The following OTC variants were observed in gnomAD, a reference collection of about 807,000 sequenced individuals.
OTC encodes ornithine transcarbamylase, mitochondrial.
Under a neutral mutation model 30.3 loss-of-function variants are expected in OTC, and 3 were observed. The ratio of observed to expected loss-of-function variants is 0.10; its 90% CI spans 0.05 to 0.26. OTC has a LOEUF of 0.26. OTC is among the 10% of genes least tolerant of loss of function. The pLI, the probability that OTC is intolerant of heterozygous loss-of-function variation, is 1.00. For synonymous variants in OTC, 111 were observed against 99.7 expected (o/e 1.11, Z -0.67); for missense variants, 194 against 260.3 (o/e 0.75, Z 1.75).
At chrX:38,367,260 A>G (rs750152681) in intron 1 of OTC, 31 bp from the exon 2 acceptor site, 12 of 1,166,697 alleles carry the variant, frequency 1.0e-5, no homozygotes, top group Admixed American at 4.4e-5. Context: ...TCTGAAATAC[A>G]TATTTCTCCC....
intron 1 of OTC, among the ~76,000 whole-genome samples, chrX:38,358,561 A>G (rs1394114887): frequency 3.7e-5 from 4 of 106,918 alleles, no homozygotes; most frequent in Non-Finnish European, 5.8e-5. Context: ...GGTGGTGACT[A>G]CTCTAATGAT....
chrX:38,404,918 A>C (rs1371075498), intron 6 of OTC, among the ~76,000 whole-genome samples: 1 of 111,778 alleles, frequency 8.9e-6, no homozygotes, highest in Non-Finnish European at 1.9e-5. Context: ...AAGTAGCTTC[A>C]GCCTGATCTC....
rs1377101856 is a variant in OTC at position 38,379,545 on chromosome X, T to C, written c.299-1797T>C. Among the ~76,000 whole-genome samples the C allele has an allele frequency of 5.3e-5, 6 of 112,205 alleles. No individual in the cohort carries two copies. The East Asian group carries it at 1.7e-3, about 31-fold the overall frequency. The stretch of plus-strand genomic sequence containing the variant: ...TCTAGGCATATTTAAGAGAACACTT[T>C]TGAGTATAAAATAGGTAGACTATAA... On this transcript the variant is annotated intron_variant, in intron 3 of 9. Transcript: ENST00000039007.
At chrX:38,348,977 G>A (rs181272017), upstream of OTC, among the ~76,000 whole-genome samples, 536 of 111,795 alleles carry the variant, frequency 4.8e-3, 5 homozygotes, top group African/African-American at 0.016. Flanking sequence ...GGTGCAATAT[G>A]GTATTGGGGA....
downstream of OTC, among the ~76,000 whole-genome samples, chrX:38,422,092 T>A (rs761890775): frequency 6.9e-4 from 78 of 112,319 alleles, no homozygotes; most frequent in Non-Finnish European, 1.0e-3. Context: ...GAAGTTTTTT[T>A]AAAAAATTAT....
At chrX:38,374,851 A>G in intron 3 of OTC, among the ~76,000 whole-genome samples, 1 of 112,084 alleles carries the variant, frequency 8.9e-6, no homozygotes. Flanking sequence ...TGCGGTATTT[A>G]TGTGTATTTA....
downstream of OTC, among the ~76,000 whole-genome samples, chrX:38,422,853 A>G (rs1328180697): frequency 9.0e-6 from 1 of 111,689 alleles, no homozygotes; most frequent in Non-Finnish European, 1.9e-5. Flanking sequence ...TATAGCTATT[A>G]CAACTCCGAA....
intron 8 of OTC, among the ~76,000 whole-genome samples, chrX:38,410,237 G>C (rs897253667): frequency 8.1e-5 from 9 of 111,671 alleles, no homozygotes; most frequent in African/African-American, 2.9e-4. Context: ...ATGCTGCAAT[G>C]AACTTGCTTA....
intron 1 of OTC, among the ~76,000 whole-genome samples, chrX:38,359,836 G>A (rs868372206): frequency 7.1e-4 from 79 of 110,973 alleles, no homozygotes; most frequent in African/African-American, 2.2e-3. Context: ...TCAGAACTTG[G>A]TCAGGATGTT....
intron 4 of OTC, among the ~76,000 whole-genome samples, chrX:38,394,097 C>T (rs5917590): frequency 0.27 from 29,825 of 111,594 alleles, 3,434 homozygotes; most frequent in African/African-American, 0.41. Context: ...TAAAGCAATA[C>T]ATTCATTGGT....
chrX:38,388,772 A>G (rs2068417441), intron 4 of OTC, among the ~76,000 whole-genome samples: 1 of 112,005 alleles, frequency 8.9e-6, no homozygotes, highest in Admixed American at 9.5e-5. Flanking sequence ...TTCTACTCTA[A>G]TTTCTTTCCC....
chrX:38,411,063 T>A (rs1280821222), intron 8 of OTC, among the ~76,000 whole-genome samples: 1 of 111,617 alleles, frequency 9.0e-6, no homozygotes, highest in Admixed American at 9.5e-5. Context: ...ATCTAATGCA[T>A]AGTGCTTATA....
the OTC span, among the ~76,000 whole-genome samples, chrX:38,343,362 G>A: frequency 2.7e-5 from 3 of 111,658 alleles, no homozygotes; most frequent in African/African-American, 9.8e-5. Context: ...TCTCCTTTAT[G>A]CAGTTTAACC....
the OTC span, among the ~76,000 whole-genome samples, chrX:38,337,300 T>A: frequency 1.8e-5 from 2 of 112,542 alleles, no homozygotes; most frequent in African/African-American, 6.5e-5. Context: ...ATCCTTAAAA[T>A]GCAATGTAAC....
chrX:38,379,278 A>G (rs2068364706), intron 3 of OTC, among the ~76,000 whole-genome samples: 2 of 111,823 alleles, frequency 1.8e-5, no homozygotes, highest in Non-Finnish European at 1.9e-5. Context: ...AGCTGACTCA[A>G]TAGCTGGCTT....
At chrX:38,331,544 A>G in the OTC span, among the ~76,000 whole-genome samples, 1 of 103,723 alleles carries the variant, frequency 9.6e-6, no homozygotes, top group East Asian at 3.0e-4. Flanking sequence ...TCGGCCTCCC[A>G]AAGTGCTGGG....
chrX:38,331,933 C>T, the OTC span, among the ~76,000 whole-genome samples: 1 of 110,627 alleles, frequency 9.0e-6, no homozygotes, highest in Admixed American at 9.6e-5. Context: ...ATATCGCAAC[C>T]CCAGGCCACG....
upstream of OTC, among the ~76,000 whole-genome samples, chrX:38,347,660 A>AT (rs906057670): frequency 5.4e-5 from 6 of 112,148 alleles, no homozygotes; most frequent in African/African-American, 1.9e-4. Context: ...AATTTGCAGT[A>AT]TTTTTTTGAT....
intron 6 of OTC, among the ~76,000 whole-genome samples, chrX:38,403,960 A>G (rs1362520845): frequency 8.9e-6 from 1 of 112,347 alleles, no homozygotes; most frequent in Non-Finnish European, 1.9e-5. Context: ...GATGCCTTTT[A>G]TTCTATGAGT....
Sources: allele counts gnomAD v4.1 joint callset (sites outside exome capture counted in the v4.1 genomes callset), GRCh38; gene constraint gnomAD v4.1.1; transcripts MANE v1.5; gene names NCBI Gene and HGNC (gene_info 2026-07-23, HGNC 2026-07-21).